Variants in SLC22A25 observed in about 807,000 individuals in gnomAD.
The protein encoded by SLC22A25 is solute carrier family 22 member 25.
A neutral mutation model predicts 45.9 loss-of-function variants in SLC22A25; 44 were observed. That is an observed-to-expected ratio of 0.96 (90% confidence interval 0.75 to 1.23). SLC22A25 has a LOEUF of 1.23. Among genes scored for constraint, SLC22A25 ranks in the 50% most tolerant of loss-of-function variants. The pLI is 0.00. For synonymous variants in SLC22A25, 283 were observed against 238.6 expected, an observed-to-expected ratio of 1.19 and a Z score of -1.72; for missense variants, 800 against 666.4, an observed-to-expected ratio of 1.20 and a Z score of -2.21.
chr11:63,205,779 A>G (rs1226952198), intron 7 of SLC22A25, among the ~76,000 whole-genome samples: 1 of 152,200 alleles, frequency 6.6e-6, no homozygotes, highest in Non-Finnish European at 1.5e-5. Flanking sequence ...ACAGAATAAA[A>G]GGGACTCTTC....
rs555942563 is a variant in SLC22A25, at chr11:63,229,745, AGT to A, written c.-95_-94del. The A allele has an allele frequency of 5.3e-6, 7 of 1,329,956 alleles. No individual in the cohort carries two copies. The highest frequency in any genetic ancestry group is 1.5e-5 in the South Asian group (1 of 68,078). The allele number at this position is 1,329,956 out of a possible 1,614,324, so 82.4% of individuals were successfully genotyped here. A position where few individuals can be genotyped will look rare whatever the true frequency, so the allele number is the denominator to read the frequency against. On this transcript the variant is annotated 5_prime_UTR_variant, in exon 4 of 12. Transcript: ENST00000306494. ...TATTTCCTTTCCTTAAATCACACTAAGTGTGTGTGTTGATCCTGACCCCACTC... is the reference window on the plus strand; with the variant it reads ...TATTTCCTTTCCTTAAATCACACTAAGTGTGTGTTGATCCTGACCCCACTC...
chr11:63,233,444 T>C (rs1443081418), intron 3 of SLC22A25, among the ~76,000 whole-genome samples: 2 of 152,256 alleles, frequency 1.3e-5, no homozygotes, highest in Non-Finnish European at 2.9e-5. Context: ...TAGTATTGTC[T>C]GATGGTAGTT....
chr11:63,168,369 C>T (rs552190582), intron 9 of SLC22A25, among the ~76,000 whole-genome samples: 1 of 152,238 alleles, frequency 6.6e-6, no homozygotes, highest in South Asian at 2.1e-4. Context: ...ACAAACTCCC[C>T]TGAGCTAAAG....
rs913879719 is a variant in SLC22A25, at chr11:63,161,093, G to A, written c.*2731C>T. Reference sequence around the variant, plus strand: ...ACTCACAGCTCCATGTGGCTGGTGAGGCCTCACAATCATGGTGGAAGACGA... The same window carrying A: ...ACTCACAGCTCCATGTGGCTGGTGAAGCCTCACAATCATGGTGGAAGACGA... On this transcript the variant is annotated 3_prime_UTR_variant, in exon 12 of 12. Coordinates refer to ENST00000306494, the MANE Select transcript of SLC22A25 (RefSeq NM_199352.6). Among the ~76,000 whole-genome samples the A allele has an allele frequency of 3.3e-5, 5 of 152,156 alleles. No individual in the cohort carries two copies. Among genetic ancestry groups the A allele is most frequent in the African/African-American group, 1.2e-4 (5 of 41,426 alleles).
intron 9 of SLC22A25, among the ~76,000 whole-genome samples, chr11:63,170,884 T>G (rs2087855007): frequency 6.6e-6 from 1 of 152,002 alleles, no homozygotes; most frequent in African/African-American, 2.4e-5. Flanking sequence ...CAGGCCAATA[T>G]CCCTGATGAA....
rs1008504813 is a variant in SLC22A25, at chr11:63,235,549, A to T, written c.-445+2332T>A. Reference sequence around the variant, plus strand: ...GTTATTCTAGTTATCCATTCATCTAATTTTTTTCAAAGTTTTTAACTTCTT... The same window carrying T: ...GTTATTCTAGTTATCCATTCATCTATTTTTTTTCAAAGTTTTTAACTTCTT... On this transcript the variant is annotated intron_variant, in intron 3 of 11. Coordinates refer to ENST00000306494, the MANE Select transcript of SLC22A25 (RefSeq NM_199352.6). Among the ~76,000 whole-genome samples the T allele has an allele frequency of 9.9e-5, 15 of 151,928 alleles. No homozygotes were observed. In the South Asian group the frequency reaches 3.1e-3, roughly 32 times the overall value.
chr11:63,224,219 T>C (rs554694660), intron 5 of SLC22A25, among the ~76,000 whole-genome samples: 1 of 152,282 alleles, frequency 6.6e-6, no homozygotes, highest in South Asian at 2.1e-4. Context: ...TTTTTTTGTC[T>C]TGTAATCTAT....
chr11:63,237,392 G>T (rs1182612161), intron 3 of SLC22A25, among the ~76,000 whole-genome samples: 1 of 152,130 alleles, frequency 6.6e-6, no homozygotes. Context: ...GTTATTGCAG[G>T]AGGGGATCCT....
chr11:63,209,979 G>A (rs2089513527), intron 7 of SLC22A25, among the ~76,000 whole-genome samples: 1 of 152,170 alleles, frequency 6.6e-6, no homozygotes, highest in South Asian at 2.1e-4. Flanking sequence ...ATATAGAAAG[G>A]CACTCCCAAA....
In SLC22A25 at chr11:63,163,895, C is replaced by A. The variant is rs1251922510; in HGVS notation, c.1573G>T (p.Asp525Tyr). The part of the protein sequence containing the change: ...LPETRNQPLL[D>Y]SIQDVENEGV... ...TCATTTTCCACATCCTGGATGCTGT[C>A]AAGAAGAGGCTGGTTCCTGGTTTCA... The change falls in exon 12 of 12, where the codon GAC becomes TAC. Residue 525 changes from aspartate to tyrosine, a missense_variant. By Grantham distance (160) the Asp-to-Tyr change is radical (BLOSUM62 -3). Coordinates refer to ENST00000306494, the MANE Select transcript of SLC22A25 (RefSeq NM_199352.6). 4 of 1,613,770 alleles carry A rather than the reference C, an allele frequency of 2.5e-6. No individual in the cohort carries two copies. The highest frequency in any genetic ancestry group is 3.4e-6 in the Non-Finnish European group (4 of 1,179,906).
chr11:63,181,267 C>A (rs191641757), intron 8 of SLC22A25, among the ~76,000 whole-genome samples: 2,675 of 152,020 alleles, frequency 0.018, 64 homozygotes, highest in African/African-American at 0.049. Flanking sequence ...TTCTTCCTAA[C>A]CCTTATGTTT....
chr11:63,187,976 G>T (rs1394960201), intron 7 of SLC22A25, among the ~76,000 whole-genome samples: 2 of 152,050 alleles, frequency 1.3e-5, no homozygotes, highest in East Asian at 3.9e-4. Flanking sequence ...TTTGCATCAA[G>T]GTTCATCAGG....
At chr11:63,209,556 G>A (rs938089867) in intron 7 of SLC22A25, among the ~76,000 whole-genome samples, 1 of 152,170 alleles carries the variant, frequency 6.6e-6, no homozygotes, top group Admixed American at 6.5e-5. Context: ...ACAGGGCGAG[G>A]CAGCTGGGCA....
rs17157907 is a variant in SLC22A25, at chr11:63,164,577, C to G, written c.1343G>C (p.Gly448Ala). Reference protein sequence around the residue: ...ATLGVGAASLGITCSTAQENE... With the variant: ...ATLGVGAASLAITCSTAQENE... Reference sequence around the variant, plus strand: ...TTCTTGGGCAGTAGAACAGGTAATGCCAAGAGAAGCAGCTCCCACACCCAG... The same window carrying G: ...TTCTTGGGCAGTAGAACAGGTAATGGCAAGAGAAGCAGCTCCCACACCCAG... Residue 448 changes from glycine (G) to alanine (A), a missense_variant, in exon 11 of 12, where the codon GGC becomes GCC. Coordinates refer to ENST00000306494, the MANE Select transcript of SLC22A25 (RefSeq NM_199352.6). The G allele has an allele frequency of 9.1e-3, 14,683 of 1,613,726 alleles. 166 individuals are homozygous for G. The highest frequency in any genetic ancestry group is 0.052 in the African/African-American group (3,909 of 74,990).
Position 63,233,475 on chromosome 11 carries a change from G to T in SLC22A25, c.-444-3379C>A, listed in dbSNP as rs377567197. On this transcript the variant is annotated intron_variant, in intron 3 of 11. Transcript: ENST00000306494. The stretch of plus-strand genomic sequence containing the variant: ...TAGTTTCTATTTCTGTGGAATTGGT[G>T]GTGATATCCCCTTTGTCATTTTTTA... Among the ~76,000 whole-genome samples the T allele has an allele frequency of 4.4e-4, 67 of 152,176 alleles. 3 individuals carry two copies. Among genetic ancestry groups the T allele is most frequent in the East Asian group, 2.3e-3 (12 of 5,182 alleles).
At chr11:63,190,989 G>C (rs1487331263) in intron 7 of SLC22A25, among the ~76,000 whole-genome samples, 1 of 152,212 alleles carries the variant, frequency 6.6e-6, no homozygotes. Flanking sequence ...GGCTACTCAG[G>C]GTTCAGGGAC....
intron 10 of SLC22A25, among the ~76,000 whole-genome samples, chr11:63,165,286 T>C (rs1298157822): frequency 2.3e-5 from 3 of 133,078 alleles, no homozygotes; most frequent in African/African-American, 7.8e-5. Context: ...TGGGTTCTGT[T>C]GCATTGCACC....
intron 7 of SLC22A25, among the ~76,000 whole-genome samples, chr11:63,201,215 A>G (rs768742128): frequency 4.6e-5 from 7 of 152,162 alleles, no homozygotes; most frequent in Non-Finnish European, 7.4e-5. Flanking sequence ...AGCAAAAGAA[A>G]TGAAGCTGGA....
intron 5 of SLC22A25, among the ~76,000 whole-genome samples, chr11:63,224,616 A>C (rs1006253978): frequency 1.3e-5 from 2 of 151,824 alleles, no homozygotes; most frequent in Admixed American, 6.6e-5. Context: ...TTTAGATTTG[A>C]GGTTACCATG....
Sources: allele counts gnomAD v4.1 joint callset (sites outside exome capture counted in the v4.1 genomes callset), GRCh38; gene constraint gnomAD v4.1.1; transcripts MANE v1.5; gene names NCBI Gene and HGNC (gene_info 2026-07-23, HGNC 2026-07-21).